CLNK: variants seen among roughly 807,000 people sequenced by gnomAD.
CLNK encodes cytokine-dependent hematopoietic cell linker.
A neutral mutation model predicts 68.6 loss-of-function variants in CLNK; 74 were observed. The observed-to-expected ratio is 1.08, with a 90% CI of 0.89 to 1.31. The LOEUF is 1.31. CLNK is among the 50% of genes most tolerant of loss of function. The pLI is 0.00. For synonymous variants in CLNK, 198 were observed against 172.2 expected, an observed-to-expected ratio of 1.15 and a Z score of -1.17; for missense variants, 553 against 515.3, an observed-to-expected ratio of 1.07 and a Z score of -0.71.
At chr4:10,658,276 ATATCAGGTCC>A (rs1285919362) in intron 2 of CLNK, among the ~76,000 whole-genome samples, 2 of 152,220 alleles carry the variant, frequency 1.3e-5, no homozygotes, top group African/African-American at 4.8e-5. Context: ...TCATGGTGGA[ATATCAGGTCC>A]TATGAATCTT....
At chr4:10,578,579 C>CTGTTTTTTTTTTTTTTTTT (rs1720659714) in intron 4 of CLNK, among the ~76,000 whole-genome samples, 1 of 44,892 alleles carries the variant, frequency 2.2e-5, no homozygotes, top group Non-Finnish European at 3.9e-5. Context: ...CTTACCTTAT[C>CTGTTTTTTTTTTTTTTTTT]TTTTTTTTTT....
chr4:10,665,112 G>A (rs989671117), intron 2 of CLNK, among the ~76,000 whole-genome samples: 8 of 152,218 alleles, frequency 5.3e-5, no homozygotes, highest in Non-Finnish European at 7.3e-5. Context: ...AAGGCTCCCC[G>A]TGGACTCATC....
intron 1 of CLNK, among the ~76,000 whole-genome samples, chr4:10,676,393 CT>C (rs33954033): frequency 0.47 from 62,516 of 134,212 alleles, 14,705 homozygotes; most frequent in Non-Finnish European, 0.54. Context: ...TTATAGATTT[CT>C]TTTTTTTTTT....
At position 10,586,839 on chromosome 4, in the gene CLNK, C is replaced by T. The variant is rs1266280319; in HGVS notation, c.84-1884G>A. On this transcript the variant is annotated intron_variant, in intron 3 of 18. Transcript: ENST00000226951. ...TTTGCCTACATGGCACTTGATTCCGCATTTTACCCATTTCACTTCCTTGAT... is the reference window on the plus strand; with the variant it reads ...TTTGCCTACATGGCACTTGATTCCGTATTTTACCCATTTCACTTCCTTGAT... 2.6e-5 allele frequency among the ~76,000 whole-genome samples: 4 copies of T among 152,334 alleles called. No homozygotes were observed. In the East Asian group the frequency reaches 7.7e-4, roughly 29 times the overall value.
intron 11 of CLNK, among the ~76,000 whole-genome samples, chr4:10,537,785 C>T (rs1482522489): frequency 1.5e-5 from 2 of 133,424 alleles, no homozygotes; most frequent in Non-Finnish European, 3.3e-5. Context: ...TCCTTCCTTC[C>T]TTCTCTTGTT....
intron 16 of CLNK, among the ~76,000 whole-genome samples, chr4:10,510,357 GA>G (rs904213500): frequency 6.6e-6 from 1 of 152,198 alleles, no homozygotes; most frequent in African/African-American, 2.4e-5. Flanking sequence ...TTTAACAGAA[GA>G]AGAGCAGTCC....
At chr4:10,603,690 G>A (rs1296041630) in intron 2 of CLNK, among the ~76,000 whole-genome samples, 3 of 152,230 alleles carry the variant, frequency 2.0e-5, no homozygotes, top group Admixed American at 6.5e-5. Flanking sequence ...GGGGAATGAG[G>A]GCTCTTCTGA....
At chr4:10,642,942 A>G (rs561916747) in intron 2 of CLNK, among the ~76,000 whole-genome samples, 1 of 152,348 alleles carries the variant, frequency 6.6e-6, no homozygotes, top group East Asian at 1.9e-4. Flanking sequence ...GGTATTTGGT[A>G]AATCTGTATT....
the CLNK span, among the ~76,000 whole-genome samples, chr4:10,729,488 C>T: frequency 6.6e-6 from 1 of 152,120 alleles, no homozygotes; most frequent in Non-Finnish European, 1.5e-5. Flanking sequence ...GCACCATTCA[C>T]GAGAGCAAAG....
At chr4:10,522,257 CAAAAAAAAA>C (rs5856060) in intron 14 of CLNK, among the ~76,000 whole-genome samples, 1 of 121,014 alleles carries the variant, frequency 8.3e-6, no homozygotes, top group African/African-American at 3.2e-5. Flanking sequence ...GACTCTGTCT[CAAAAAAAAA>C]AAAAAAAAGA....
At chr4:10,698,481 A>G in the CLNK span, among the ~76,000 whole-genome samples, 1 of 152,202 alleles carries the variant, frequency 6.6e-6, no homozygotes, top group Non-Finnish European at 1.5e-5. Flanking sequence ...AATATATATA[A>G]AACAGGTTTG....
chr4:10,584,111 A>G (rs565698140), intron 4 of CLNK, among the ~76,000 whole-genome samples: 9 of 152,308 alleles, frequency 5.9e-5, no homozygotes, highest in African/African-American at 2.2e-4. Flanking sequence ...CTTTTTCTGT[A>G]GAGGGATTAA....
intron 2 of CLNK, among the ~76,000 whole-genome samples, chr4:10,651,596 A>G (rs1723737596): frequency 6.6e-6 from 1 of 152,238 alleles, no homozygotes; most frequent in South Asian, 2.1e-4. Context: ...CATGTGCTTT[A>G]AAAAATAAAT....
chr4:10,712,449 C>T, the CLNK span, among the ~76,000 whole-genome samples: 2 of 152,064 alleles, frequency 1.3e-5, no homozygotes, highest in African/African-American at 4.8e-5. Flanking sequence ...TGCAAATAGG[C>T]CAAACTAACA....
chr4:10,695,242 T>C, the CLNK span, among the ~76,000 whole-genome samples: 23 of 152,360 alleles, frequency 1.5e-4, 1 homozygote, highest in South Asian at 4.6e-3. Context: ...ATTTGCATGA[T>C]TTAATCATTC....
At chr4:10,646,445 G>A (rs1157138140) in intron 2 of CLNK, among the ~76,000 whole-genome samples, 1 of 152,192 alleles carries the variant, frequency 6.6e-6, no homozygotes, top group Admixed American at 6.5e-5. Flanking sequence ...AAGATTTGAT[G>A]TGCAAAGAGA....
rs150523809 is a variant in CLNK at position 10,599,638 on chromosome 4, C to T, written c.12-1589G>A. ...CAGCAGACACAGGCCTTTTTCCTAG[C>T]GAGAAGCTCCATTGCTCACATGGTT... On this transcript the variant is annotated intron_variant, in intron 2 of 18. Transcript: ENST00000226951. 4.1e-3 allele frequency among the ~76,000 whole-genome samples: 618 copies of T among 152,202 alleles called. 5 individuals are homozygous for T. The highest frequency in any genetic ancestry group is 0.014 in the African/African-American group (587 of 41,522).
At chr4:10,669,421 T>G (rs1339620139) in intron 1 of CLNK, among the ~76,000 whole-genome samples, 3 of 152,192 alleles carry the variant, frequency 2.0e-5, no homozygotes, top group African/African-American at 4.8e-5. Flanking sequence ...CAGGTAAGTC[T>G]GGGTCTTCTG....
chr4:10,635,761 C>T (rs532546404), intron 2 of CLNK: 122 of 152,200 alleles, frequency 8.0e-4, no homozygotes, highest in African/African-American at 2.8e-3. Flanking sequence ...CATGAAAGAG[C>T]TTATAGGTTA....
Sources: allele counts gnomAD v4.1 joint callset (sites outside exome capture counted in the v4.1 genomes callset), GRCh38; gene constraint gnomAD v4.1.1; transcripts MANE v1.5; gene names NCBI Gene and HGNC (gene_info 2026-07-23, HGNC 2026-07-21).